GLIS3: variants seen among roughly 807,000 people sequenced by gnomAD.
GLIS3 encodes zinc finger protein GLIS3.
A neutral mutation model predicts 78.6 loss-of-function variants in GLIS3; 53 were observed. The ratio of observed to expected loss-of-function variants is 0.67; its 90% confidence interval spans 0.54 to 0.85. The LOEUF is 0.85. GLIS3 is among the 40% of genes least tolerant of loss of function. The probability of loss-of-function intolerance (pLI) is 0.00; values close to 1 mark genes in which losing one functional copy is unlikely to be tolerated. For synonymous variants in GLIS3, 684 were observed against 509.9 expected (o/e 1.34, Z -4.60); for missense variants, 1,703 against 1,231.1 (o/e 1.38, Z -5.74).
At chr9:4,283,478 C>G (rs1271207032) in intron 2 of GLIS3, among the ~76,000 whole-genome samples, 2 of 152,206 alleles carry the variant, frequency 1.3e-5, no homozygotes, top group Non-Finnish European at 1.5e-5. Context: ...CTTGGCCAGG[C>G]TGGCTTCAAA....
intron 8 of GLIS3, among the ~76,000 whole-genome samples, chr9:3,873,455 G>A (rs766092003): frequency 1.3e-4 from 20 of 151,986 alleles, no homozygotes; most frequent in Non-Finnish European, 1.5e-4. Flanking sequence ...TCAAGAGAAT[G>A]GGCGCAAAAA....
intron 4 of GLIS3, among the ~76,000 whole-genome samples, chr9:3,996,364 A>G: frequency 6.6e-6 from 1 of 152,234 alleles, no homozygotes; most frequent in Non-Finnish European, 1.5e-5. Context: ...CCATGAAAAT[A>G]ATAACACTAA....
intron 2 of GLIS3, among the ~76,000 whole-genome samples, chr9:4,137,652 T>C (rs1833497783): frequency 6.6e-6 from 1 of 152,182 alleles, no homozygotes; most frequent in African/African-American, 2.4e-5. Flanking sequence ...AATTAAGCAA[T>C]ATTCCTGGAG....
chr9:3,976,088 C>A (rs185632072), intron 4 of GLIS3, among the ~76,000 whole-genome samples: 1 of 152,098 alleles, frequency 6.6e-6, no homozygotes, highest in Non-Finnish European at 1.5e-5. Context: ...CATTTGGAAC[C>A]ATCCCTAGAA....
chr9:4,377,959 A>G, the GLIS3 span, among the ~76,000 whole-genome samples: 31 of 152,188 alleles, frequency 2.0e-4, no homozygotes, highest in East Asian at 1.9e-4. Flanking sequence ...ATACATGTCT[A>G]TAAGATTGTA....
chr9:4,027,225 T>C (rs529200189), intron 4 of GLIS3, among the ~76,000 whole-genome samples: 4 of 152,340 alleles, frequency 2.6e-5, no homozygotes, highest in African/African-American at 9.6e-5. Flanking sequence ...GAACAACGCT[T>C]AGCCATTTCA....
the GLIS3 span, among the ~76,000 whole-genome samples, chr9:4,481,150 C>G: frequency 6.6e-6 from 1 of 152,118 alleles, no homozygotes; most frequent in African/African-American, 2.4e-5. Context: ...GCCACCTCAC[C>G]CAGCCCTATC....
chr9:4,110,779 A>G (rs897865320), intron 4 of GLIS3, among the ~76,000 whole-genome samples: 18 of 152,238 alleles, frequency 1.2e-4, no homozygotes, highest in Admixed American at 1.0e-3. Context: ...ATTACAGTAG[A>G]AACTAATAAA....
chr9:4,442,869 G>C, the GLIS3 span, among the ~76,000 whole-genome samples: 120 of 152,030 alleles, frequency 7.9e-4, no homozygotes, highest in African/African-American at 2.7e-3. Flanking sequence ...CCTCTGTGTA[G>C]TTTCCCAGAC....
At chr9:4,341,154 AT>A (rs1817828805) in intron 2 of GLIS3, among the ~76,000 whole-genome samples, 1 of 152,196 alleles carries the variant, frequency 6.6e-6, no homozygotes, top group Admixed American at 6.5e-5. Flanking sequence ...TCCTAGTTGC[AT>A]TATCTGATCC....
chr9:3,970,227 A>T lies in GLIS3; in HGVS notation c.1711-33038T>A, dbSNP rs546965268. Among the ~76,000 whole-genome samples, 177 of 152,350 alleles carry T rather than the reference A, an allele frequency of 1.2e-3. 2 individuals carry two copies. The highest frequency in any genetic ancestry group is 1.9e-3 in the Non-Finnish European group (129 of 68,028). ...TCAGAGATTTCCTAAAGAGGACAGT[A>T]AACAAGACCCTCTCTGTTTCACTGA... On this transcript the variant is annotated intron_variant, in intron 4 of 10. Transcript: ENST00000381971.
the GLIS3 span, among the ~76,000 whole-genome samples, chr9:4,446,331 G>C: frequency 6.6e-6 from 1 of 152,108 alleles, no homozygotes; most frequent in Admixed American, 6.5e-5. Flanking sequence ...AGGCACCATC[G>C]ATGAAGTAGG....
intron 2 of GLIS3, among the ~76,000 whole-genome samples, chr9:4,319,916 G>T (rs376099634): frequency 6.6e-6 from 1 of 152,022 alleles, no homozygotes; most frequent in South Asian, 2.1e-4. Flanking sequence ...ATCTGTCTAC[G>T]CATGGCTCAC....
intron 2 of GLIS3, among the ~76,000 whole-genome samples, chr9:4,236,436 C>T (rs1233820083): frequency 6.6e-6 from 1 of 152,108 alleles, no homozygotes; most frequent in Non-Finnish European, 1.5e-5. Flanking sequence ...CCCTTTTCCT[C>T]CCTTTTCCAC....
At chr9:3,961,243 A>G (rs890520868) in intron 4 of GLIS3, among the ~76,000 whole-genome samples, 1 of 152,180 alleles carries the variant, frequency 6.6e-6, no homozygotes. Flanking sequence ...CTGACCCCAG[A>G]AGATGTGGAA....
chr9:3,941,943 G>C (rs947139766), intron 4 of GLIS3, among the ~76,000 whole-genome samples: 2 of 152,176 alleles, frequency 1.3e-5, no homozygotes, highest in Non-Finnish European at 2.9e-5. Flanking sequence ...GTGGCATTAA[G>C]ATGACCTTTG....
intron 2 of GLIS3, among the ~76,000 whole-genome samples, chr9:4,180,125 G>A (rs954578306): frequency 1.3e-5 from 2 of 152,122 alleles, no homozygotes; most frequent in African/African-American, 4.8e-5. Context: ...GAGAGTCAGT[G>A]AGGGGCAGTG....
intron 4 of GLIS3, among the ~76,000 whole-genome samples, chr9:4,079,460 A>G (rs146684220): frequency 2.6e-5 from 4 of 152,296 alleles, no homozygotes; most frequent in African/African-American, 9.6e-5. Context: ...GAAAGCCTCT[A>G]CAAGTCTGGG....
At chr9:4,288,970 A>C (rs1005160956) in intron 1 of GLIS3, among the ~76,000 whole-genome samples, 28 of 152,306 alleles carry the variant, frequency 1.8e-4, no homozygotes, top group African/African-American at 6.3e-4. Context: ...AGAATGTAAA[A>C]ATAAATTTCA....
Sources: allele counts gnomAD v4.1 joint callset (sites outside exome capture counted in the v4.1 genomes callset), GRCh38; gene constraint gnomAD v4.1.1; transcripts MANE v1.5; gene names NCBI Gene and HGNC (gene_info 2026-07-23, HGNC 2026-07-21).